The following EHBP1 variants were observed in gnomAD, a reference collection of about 807,000 sequenced individuals.
The protein encoded by EHBP1 is EH domain-binding protein 1.
Under a neutral mutation model 144.0 loss-of-function variants are expected in EHBP1, and 55 were observed. The ratio of observed to expected loss-of-function variants is 0.38; its 90% confidence interval spans 0.31 to 0.48. EHBP1 has a LOEUF of 0.48. Among genes scored for constraint, EHBP1 ranks in the 20% least tolerant of loss-of-function variants. The probability of loss-of-function intolerance (pLI) is 0.98; values close to 1 mark genes in which losing one functional copy is unlikely to be tolerated. For missense variants in EHBP1, 1,200 were observed against 1,364.2 expected, an observed-to-expected ratio of 0.88 and a Z score of 1.90; for synonymous variants, 469 against 472.7, an observed-to-expected ratio of 0.99 and a Z score of 0.10.
At chr2:63,031,946 C>G (rs1484532850) in intron 19 of EHBP1, among the ~76,000 whole-genome samples, 1 of 151,124 alleles carries the variant, frequency 6.6e-6, no homozygotes, top group Admixed American at 6.6e-5. Context: ...AAAACAAAAA[C>G]AAAAAAAACC....
chr2:62,977,628 G>A (rs1300768233), intron 14 of EHBP1, among the ~76,000 whole-genome samples: 3 of 151,984 alleles, frequency 2.0e-5, no homozygotes, highest in African/African-American at 7.2e-5. Flanking sequence ...AGTATAAATA[G>A]TATATAGTAT....
chr2:62,955,530 C>A lies in EHBP1; in HGVS notation c.2330C>A (p.Ser777Tyr), dbSNP rs368672515. ...TTTGCTTTTAAGCATCGATTGTTAT[C>A]TAGACAAGAAGAACTTAAGGAAAGA... ...SSKIVQHRLLSRQEELKERAR... is the reference protein window; with the variant it reads ...SSKIVQHRLLYRQEELKERAR... The change falls in exon 14 of 23, where the codon TCT becomes TAT. Residue 777 changes from serine (S) to tyrosine (Y), a missense_variant. Physicochemically the swap from Ser to Tyr is moderately radical, Grantham distance 144 (BLOSUM62 -2). Around this residue, in one of 6 missense-constraint regions of EHBP1, gnomAD observed 543 missense variants for 513.1 expected, o/e 1.06. Transcript: ENST00000431489. 8.7e-6 allele frequency: 14 copies of A among 1,605,602 alleles called. No homozygotes were observed. In the African/African-American group the frequency reaches 1.6e-4, roughly 19 times the overall value.
chr2:62,819,958 C>A (rs1367196113), intron 5 of EHBP1, among the ~76,000 whole-genome samples: 5 of 151,630 alleles, frequency 3.3e-5, no homozygotes, highest in Non-Finnish European at 7.4e-5. Flanking sequence ...TGCCTATAAT[C>A]CCAGCACTTT....
chr2:62,940,058 A>G, intron 10 of EHBP1: 1 of 422,450 alleles, frequency 2.4e-6, no homozygotes, highest in Non-Finnish European at 4.7e-6. Flanking sequence ...TCAGAGGCAC[A>G]AAGGAAAAGA....
intron 19 of EHBP1, among the ~76,000 whole-genome samples, chr2:63,034,289 G>C (rs773849416): frequency 6.6e-6 from 1 of 151,812 alleles, no homozygotes; most frequent in African/African-American, 2.4e-5. Flanking sequence ...GTATACTGTA[G>C]TATGTTATTT....
At chr2:62,984,163 T>C (rs147601584) in intron 15 of EHBP1, among the ~76,000 whole-genome samples, 61 of 152,318 alleles carry the variant, frequency 4.0e-4, no homozygotes, top group African/African-American at 1.4e-3. Flanking sequence ...TTGGAATTTT[T>C]AAGTATGTTT....
chr2:62,789,386 AGAGTT>A (rs1429313295), intron 5 of EHBP1, among the ~76,000 whole-genome samples: 2 of 152,202 alleles, frequency 1.3e-5, no homozygotes, highest in Non-Finnish European at 2.9e-5. Context: ...GAAAGTTGAT[AGAGTT>A]AAGTTTAGCT....
At chr2:62,706,206 C>T (rs2034551715) in intron 1 of EHBP1, 154 bp downstream of exon 1, 1 of 152,624 alleles carries the variant, frequency 6.6e-6, no homozygotes, top group Non-Finnish European at 1.5e-5. Flanking sequence ...CGTGAGGAGA[C>T]TGGGCTCCGG....
intron 5 of EHBP1, among the ~76,000 whole-genome samples, chr2:62,807,191 G>A (rs903889330): frequency 6.6e-6 from 1 of 152,174 alleles, no homozygotes; most frequent in Admixed American, 6.5e-5. Flanking sequence ...ATAACAATAC[G>A]TGATCTATAC....
rs76267653 is a variant in EHBP1 at position 62,682,698 on chromosome 2, A to G, written c.-296+8615A>G. Among the ~76,000 whole-genome samples, 890 of 152,352 alleles carry G rather than the reference A, an allele frequency of 5.8e-3. 7 individuals are homozygous for G. Among genetic ancestry groups the G allele is most frequent in the South Asian group, 0.01 (49 of 4,824 alleles). ...GAGCTCTTAACGAGGTCATAAGCCTATAACAAGTTCTGATGATTTCTGACC... is the reference window on the plus strand; with the variant it reads ...GAGCTCTTAACGAGGTCATAAGCCTGTAACAAGTTCTGATGATTTCTGACC... On this transcript the variant is annotated intron_variant, in intron 1 of 22. Coordinates refer to the EHBP1 transcript ENST00000405015.
intron 10 of EHBP1, among the ~76,000 whole-genome samples, chr2:62,935,344 A>AATATATATAT (rs57574909): frequency 3.0e-4 from 36 of 121,476 alleles, no homozygotes; most frequent in Non-Finnish European, 4.5e-4. Context: ...AAAAAAAAAA[A>AATATATATAT]ATATATATAT....
chr2:62,885,491 G>A (rs1020487369), intron 10 of EHBP1, among the ~76,000 whole-genome samples: 3 of 152,000 alleles, frequency 2.0e-5, no homozygotes, highest in Non-Finnish European at 2.9e-5. Context: ...TTCCAATGAT[G>A]GCTGACCACC....
chr2:62,863,837 G>T lies in EHBP1; in HGVS notation c.758-894G>T, dbSNP rs905756404. 1.6e-3 allele frequency among the ~76,000 whole-genome samples: 117 copies of T among 74,428 alleles called. 8 individuals carry two copies. The highest frequency in any genetic ancestry group is 2.0e-3 in the South Asian group (4 of 2,016). The allele number at this position is 74,428 out of a possible 152,430, so 48.8% of individuals were successfully genotyped here. ...ATTTTTTTAAATTTTATTTTTCTGT[G>T]TTGTTTTTTTTTTTTTTTTTTTTTT... On this transcript the variant is annotated intron_variant, in intron 8 of 22. Coordinates refer to ENST00000431489, the MANE Select transcript of EHBP1 (RefSeq NM_001142616.3).
intron 5 of EHBP1, among the ~76,000 whole-genome samples, chr2:62,802,197 C>T (rs1279644127): frequency 6.6e-6 from 1 of 152,220 alleles, no homozygotes; most frequent in Non-Finnish European, 1.5e-5. Context: ...ACCCATGGTT[C>T]TCAATGAATG....
At chr2:63,000,477 C>T (rs2059806218) in intron 19 of EHBP1, among the ~76,000 whole-genome samples, 1 of 151,810 alleles carries the variant, frequency 6.6e-6, no homozygotes, top group African/African-American at 2.4e-5. Context: ...AGGTGGATCA[C>T]CTGAGGTCTG....
chr2:62,788,350 C>A (rs2042951249), intron 5 of EHBP1, among the ~76,000 whole-genome samples: 1 of 151,534 alleles, frequency 6.6e-6, no homozygotes, highest in South Asian at 2.1e-4. Flanking sequence ...ATGTTTTTTC[C>A]CTTAAAACCA....
chr2:62,700,926 G>A (rs1293032058), upstream of EHBP1, among the ~76,000 whole-genome samples: 1 of 152,100 alleles, frequency 6.6e-6, no homozygotes, highest in Non-Finnish European at 1.5e-5. Context: ...ACCTCCCCAG[G>A]ACTCTAATAA....
At chr2:62,996,087 T>C (rs1043740848) in intron 18 of EHBP1, among the ~76,000 whole-genome samples, 3 of 152,224 alleles carry the variant, frequency 2.0e-5, no homozygotes, top group African/African-American at 4.8e-5. Flanking sequence ...ATTGGAGATA[T>C]TGTGAACTTC....
chr2:63,025,060 G>GCC (rs2060916512), intron 19 of EHBP1, among the ~76,000 whole-genome samples: 2 of 151,868 alleles, frequency 1.3e-5, no homozygotes, highest in African/African-American at 2.4e-5. Flanking sequence ...AGCCAACAAA[G>GCC]TTTGGTTTTA....
Sources: gnomAD v4.1 joint callset for allele counts (sites outside exome capture counted in the v4.1 genomes callset) on GRCh38, gnomAD v4.1.1 for gene constraint, gnomAD v4.1.1 regional missense constraint, MANE v1.5 for transcripts, NCBI Gene and HGNC (gene_info 2026-07-23, HGNC 2026-07-21) for gene names.